Variants in NFYB observed in about 807,000 individuals in gnomAD.
NFYB encodes nuclear transcription factor Y subunit beta.
NFYB carries 13 observed loss-of-function variants against 28.0 expected under a neutral mutation model. That is an observed-to-expected ratio of 0.46 (90% CI 0.30 to 0.74). The LOEUF is 0.74. Ranked by LOEUF, NFYB falls within the 30% of genes least tolerant of loss-of-function variation. The probability of loss-of-function intolerance (pLI) is 0.07; values close to 1 mark genes in which losing one functional copy is unlikely to be tolerated. For synonymous variants in NFYB, 74 were observed against 75.0 expected, an observed-to-expected ratio of 0.99 and a Z score of 0.07; for missense variants, 142 against 247.6, an observed-to-expected ratio of 0.57 and a Z score of 2.86.
At chr12:104,132,323 G>A (rs574957458) in intron 2 of NFYB, among the ~76,000 whole-genome samples, 2 of 152,182 alleles carry the variant, frequency 1.3e-5, no homozygotes, top group South Asian at 2.1e-4. Context: ...ATTGGAAGGC[G>A]CTAAGGAGGG....
chr12:104,124,537 C>CAT (rs1456211030), intron 4 of NFYB, among the ~76,000 whole-genome samples: 1 of 152,114 alleles, frequency 6.6e-6, no homozygotes, highest in African/African-American at 2.4e-5. Context: ...ATGTGAGCCA[C>CAT]ATATGTCAGT....
intron 2 of NFYB, among the ~76,000 whole-genome samples, chr12:104,129,007 C>T (rs185233785): frequency 3.3e-5 from 5 of 152,290 alleles, no homozygotes; most frequent in Admixed American, 2.0e-4. Flanking sequence ...AATTTGTCCA[C>T]GATTCAAGAT....
chr12:104,125,035 A>G lies in NFYB; in HGVS notation c.231+1079T>C, dbSNP rs925457612. 3.3e-5 allele frequency among the ~76,000 whole-genome samples: 5 copies of G among 152,314 alleles called. No homozygotes were observed. The East Asian group carries it at 5.8e-4, about 18-fold the overall frequency. On this transcript the variant is annotated intron_variant, in intron 4 of 7. Transcript: ENST00000240055. Reference sequence around the variant, plus strand: ...TTTAATTCAGACCAAGTGATGAGCAATGACAATGAGTTTTAAAAGTTCTAA... The same window carrying G: ...TTTAATTCAGACCAAGTGATGAGCAGTGACAATGAGTTTTAAAAGTTCTAA...
At chr12:104,127,172 T>C (rs1446085757) in intron 3 of NFYB, among the ~76,000 whole-genome samples, 1 of 152,214 alleles carries the variant, frequency 6.6e-6, no homozygotes, top group East Asian at 1.9e-4. Context: ...CGTTTTTATG[T>C]GTTTAAAATG....
intron 2 of NFYB, 177 bp from the exon 3 acceptor site, chr12:104,128,694 T>TAAGACC: frequency 3.1e-6 from 1 of 325,756 alleles, no homozygotes; most frequent in Non-Finnish European, 5.7e-6. Flanking sequence ...TGAGACAGGG[T>TAAGACC]CTTACTCTGT....
intron 6 of NFYB, among the ~76,000 whole-genome samples, chr12:104,120,834 T>C (rs1045956078): frequency 6.6e-6 from 1 of 152,192 alleles, no homozygotes; most frequent in Non-Finnish European, 1.5e-5. Flanking sequence ...AGTTTACATA[T>C]GAGAAATATA....
At position 104,121,263 on chromosome 12, in the gene NFYB, T is replaced by G; in HGVS notation, c.488A>C (p.Glu163Ala). Residue 163 changes from glutamate to alanine, a missense_variant, in exon 6 of 8, where the codon GAA becomes GCA. Physicochemically the swap from Glu to Ala is moderately radical, Grantham distance 107. This residue lies in a region of NFYB where 88 missense variants were observed against 189.5 expected (regional missense o/e 0.46). Coordinates refer to ENST00000240055, the MANE Select transcript of NFYB (RefSeq NM_006166.4). ...ACTAAATGCCTCCTCTGTAAGCTCT[T>G]CACTTAGTCCATCTGTAGCTGTGAC... ...GAVTATDGLSEELTEEAFTNQ... is the reference protein window; with the variant it reads ...GAVTATDGLSAELTEEAFTNQ... 1.2e-6 allele frequency: 2 copies of G among 1,612,820 alleles called. No individual in the cohort carries two copies. Among genetic ancestry groups the G allele is most frequent in the Non-Finnish European group, 1.7e-6 (2 of 1,179,614 alleles).
intron 2 of NFYB, among the ~76,000 whole-genome samples, chr12:104,130,508 T>C (rs1229258609): frequency 6.6e-6 from 1 of 152,306 alleles, no homozygotes; most frequent in South Asian, 2.1e-4. Flanking sequence ...TCTGTGAACA[T>C]AGGGTACCTA....
At position 104,118,286 on chromosome 12, in the gene NFYB, T is replaced by G. The variant is rs1318263194; in HGVS notation, c.*1451A>C. On this transcript the variant is annotated 3_prime_UTR_variant, in exon 8 of 8. Coordinates refer to ENST00000240055, the MANE Select transcript of NFYB (RefSeq NM_006166.4). ...TTGATTTTGCTTAACTACTCCCCCA[T>G]TTTTTCCTATTTGAATTTACTACAA... 6.6e-6 allele frequency: 1 copy of G among 152,420 alleles called. No homozygotes were observed. Among genetic ancestry groups the G allele is most frequent in the Non-Finnish European group, 1.5e-5 (1 of 68,044 alleles). 9.4% of individuals were successfully genotyped at this position (152,420 alleles called of 1,614,324 possible).
Position 104,126,155 on chromosome 12 carries a change from C to T in NFYB, c.190G>A (p.Val64Met), listed in dbSNP as rs764867719. ...ATGGCATTTTTCATTATCCTAGCCA[C>T]GTTTGCTATTGGAAGATATATATCT... ...EQDIYLPIAN[V>M]ARIMKNAIPQ... Residue 64 changes from valine (V) to methionine (M), a missense_variant, in exon 4 of 8, where the codon GTG (valine) becomes ATG (methionine). This residue lies in a region of NFYB where 88 missense variants were observed against 189.5 expected (regional missense o/e 0.46). Coordinates refer to ENST00000240055, the MANE Select transcript of NFYB (RefSeq NM_006166.4). 1.0e-5 allele frequency: 16 copies of T among 1,601,732 alleles called. No individual in the cohort carries two copies. The highest frequency in any genetic ancestry group is 2.3e-5 in the East Asian group (1 of 44,328).
Position 104,118,212 on chromosome 12 carries a change from T to A in NFYB, c.*1525A>T, listed in dbSNP as rs1417049969. On this transcript the variant is annotated 3_prime_UTR_variant, in exon 8 of 8. Transcript: ENST00000240055. ...TTTAGCAAAGTAAAAGGACAAATGA[T>A]ATTTATCAAAATATTAACATTGGTT... 1 of 152,238 alleles carries A rather than the reference T, an allele frequency of 6.6e-6. No homozygotes were observed. Among genetic ancestry groups the A allele is most frequent in the Non-Finnish European group, 1.5e-5 (1 of 68,038 alleles). 9.4% of individuals were successfully genotyped at this position (152,238 alleles called of 1,614,324 possible). A position where few individuals can be genotyped will look rare whatever the true frequency, so the allele number is the denominator to read the frequency against.
chr12:104,128,602 G>T, intron 2 of NFYB, 85 bp from the exon 3 acceptor site: 1 of 806,296 alleles, frequency 1.2e-6, no homozygotes, highest in Non-Finnish European at 2.1e-6. Flanking sequence ...GTCACAGGAT[G>T]ATGCATCAAT....
At chr12:104,131,702 TTGTC>T (rs2030930791) in intron 2 of NFYB, 11 of 455,470 alleles carry the variant, frequency 2.4e-5, no homozygotes, top group South Asian at 1.7e-4. Flanking sequence ...AGACTGTAGA[TTGTC>T]AGTAAGCCAG....
Position 104,128,455 on chromosome 12 carries a change from T to C in NFYB, c.69A>G (p.Gly23=), listed in dbSNP as rs1245813859. The stretch of plus-strand genomic sequence containing the variant: ...GAGGCTGTATAACATAATGACTTCC[T>C]CCAATATAGTCTGCAGAGATTCCTA... ...SQLGISADYI[G]GSHYVIQPHD... Residue 23 remains glycine, a synonymous_variant, in exon 3 of 8, where the codon GGA becomes GGG. Transcript: ENST00000240055. 1.2e-6 allele frequency: 2 copies of C among 1,612,274 alleles called. No homozygotes were observed. The highest frequency in any genetic ancestry group is 2.7e-5 in the African/African-American group (2 of 74,982).
chr12:104,133,269 C>G (rs1446144836), intron 2 of NFYB, among the ~76,000 whole-genome samples: 1 of 152,202 alleles, frequency 6.6e-6, no homozygotes, highest in Admixed American at 6.5e-5. Context: ...AATCCAGGGC[C>G]TCAGATGCCA....
At chr12:104,124,231 T>C (rs1220840851) in intron 4 of NFYB, among the ~76,000 whole-genome samples, 18 of 152,238 alleles carry the variant, frequency 1.2e-4, no homozygotes, top group Admixed American at 3.9e-4. Context: ...TACGGTGACT[T>C]TGACTTTTTT....
chr12:104,135,850 C>T (rs529329937), intron 1 of NFYB, among the ~76,000 whole-genome samples: 4 of 152,128 alleles, frequency 2.6e-5, no homozygotes, highest in East Asian at 1.9e-4. Context: ...AAAAAGGGAC[C>T]AAATTATATA....
intron 4 of NFYB, 100 bp downstream of exon 4, chr12:104,126,014 A>C: frequency 8.1e-7 from 1 of 1,235,416 alleles, no homozygotes; most frequent in Non-Finnish European, 1.1e-6. Context: ...TGAAAGCCTG[A>C]ATGATTGAAA....
At chr12:104,129,304 T>TAA (rs904690167) in intron 2 of NFYB, among the ~76,000 whole-genome samples, 2 of 148,014 alleles carry the variant, frequency 1.4e-5, no homozygotes, top group African/African-American at 4.9e-5. Context: ...ACCTGTCTCT[T>TAA]AAAAAAAAAA....
Sources: allele counts gnomAD v4.1 joint callset (sites outside exome capture counted in the v4.1 genomes callset), GRCh38; gene constraint gnomAD v4.1.1; regional missense constraint gnomAD v4.1.1; transcripts MANE v1.5; gene names NCBI Gene and HGNC (gene_info 2026-07-23, HGNC 2026-07-21).